The following TBCK variants were observed in gnomAD, a reference collection of about 807,000 sequenced individuals.
TBCK encodes the protein TBC domain-containing protein kinase-like protein.
A neutral mutation model predicts 113.4 loss-of-function variants in TBCK; 99 were observed. The ratio of observed to expected loss-of-function variants is 0.87; its 90% CI spans 0.74 to 1.03. TBCK has a LOEUF of 1.03. TBCK is among the 50% of genes least tolerant of loss of function. TBCK has a pLI of 0.00. For synonymous variants in TBCK, 369 were observed against 370.8 expected, an observed-to-expected ratio of 1.00 and a Z score of 0.05; for missense variants, 1,045 against 1,061.3, an observed-to-expected ratio of 0.98 and a Z score of 0.21.
At chr4:106,159,345 T>A (rs1406096000) in intron 23 of TBCK, among the ~76,000 whole-genome samples, 1 of 152,048 alleles carries the variant, frequency 6.6e-6, no homozygotes, top group Non-Finnish European at 1.5e-5. Context: ...AAGTAAATAA[T>A]CTGTTTGCAG....
At chr4:106,072,498 A>C (rs971187478) in intron 25 of TBCK, among the ~76,000 whole-genome samples, 1 of 152,150 alleles carries the variant, frequency 6.6e-6, no homozygotes, top group African/African-American at 2.4e-5. Context: ...TTTGTGGGTA[A>C]CCCAATCTTT....
At position 106,284,042 on chromosome 4, in the gene TBCK, G is replaced by C. The variant is rs777953830; in HGVS notation, c.266+11052C>G. On this transcript the variant is annotated intron_variant, in intron 3 of 25. Coordinates refer to ENST00000394708, the MANE Select transcript of TBCK (RefSeq NM_001163435.3). ...CAAGAGAGGCAGAAAGCAAAAGTTT[G>C]TTGCAAGATAACAAGTCTAAATGTA... 2.6e-5 allele frequency among the ~76,000 whole-genome samples: 4 copies of C among 152,120 alleles called. No individual in the cohort carries two copies. The East Asian group carries it at 7.7e-4, about 29-fold the overall frequency.
chr4:106,210,660 C>G (rs1403370622), intron 20 of TBCK, among the ~76,000 whole-genome samples: 8 of 152,022 alleles, frequency 5.3e-5, no homozygotes, highest in Admixed American at 5.2e-4. Context: ...TAGCCCTTCC[C>G]AAAGTGGATT....
intron 25 of TBCK, among the ~76,000 whole-genome samples, chr4:106,079,655 T>C (rs1191569915): frequency 6.6e-6 from 1 of 152,210 alleles, no homozygotes; most frequent in African/African-American, 2.4e-5. Flanking sequence ...AAAGAAATTA[T>C]AGACAATATA....
At chr4:106,222,333 C>G (rs943367473) in intron 19 of TBCK, among the ~76,000 whole-genome samples, 2 of 151,950 alleles carry the variant, frequency 1.3e-5, no homozygotes, top group African/African-American at 4.8e-5. Flanking sequence ...ATTAACATGA[C>G]AATCCCCAAT....
At chr4:106,311,716 G>A (rs1368036910) in intron 1 of TBCK, among the ~76,000 whole-genome samples, 2 of 151,978 alleles carry the variant, frequency 1.3e-5, no homozygotes, top group African/African-American at 4.8e-5. Context: ...TAATTTCCAT[G>A]CTCTGTATCT....
At chr4:106,294,536 C>T (rs953991243) in intron 3 of TBCK, among the ~76,000 whole-genome samples, 10 of 150,846 alleles carry the variant, frequency 6.6e-5, no homozygotes, top group Admixed American at 1.3e-4. Context: ...GGCAGGAGTG[C>T]GGTGGTGCAA....
chr4:106,244,644 G>C lies in TBCK; in HGVS notation c.1052C>G (p.Pro351Arg), dbSNP rs1403750182. The C allele has an allele frequency of 6.2e-7, 1 of 1,607,518 alleles. No individual in the cohort carries two copies. The highest frequency in any genetic ancestry group is 1.1e-5 in the South Asian group (1 of 89,446). ...VNKEIIRSKP[P>R]ICTLPNFLFE... ...TCCTTACTTGGGGAGTGTGCAGATA[G>C]GTGGTTTGGATCGAATGATTTCCTT... Residue 351 changes from proline to arginine, a missense_variant, in exon 11 of 26, where the codon CCT (proline) becomes CGT (arginine). Transcript: ENST00000394708.
chr4:106,116,415 T>C (rs1303757145), intron 23 of TBCK, 37 bp from the exon 24 acceptor site: 2 of 1,530,608 alleles, frequency 1.3e-6, no homozygotes, highest in East Asian at 2.4e-5. Flanking sequence ...ATATTGAGAA[T>C]ATTATAGAAA....
At chr4:106,282,961 GAGA>G (rs1046790595) in intron 3 of TBCK, among the ~76,000 whole-genome samples, 2 of 152,062 alleles carry the variant, frequency 1.3e-5, no homozygotes, top group Non-Finnish European at 2.9e-5. Context: ...TATCAGCTTA[GAGA>G]AGAATTCTTC....
intron 6 of TBCK, chr4:106,250,948 C>T (rs1761360378): frequency 6.2e-6 from 1 of 161,866 alleles, no homozygotes; most frequent in Non-Finnish European, 1.4e-5. Flanking sequence ...ACAATAACTT[C>T]AGACAGCCAT....
intron 25 of TBCK, among the ~76,000 whole-genome samples, chr4:106,068,317 C>A (rs1177797889): frequency 3.9e-5 from 6 of 151,924 alleles, no homozygotes; most frequent in African/African-American, 1.2e-4. Context: ...CCACCCCACA[C>A]CAGGCCCCAG....
chr4:106,095,690 T>G lies in TBCK; in HGVS notation c.2412-49A>C, dbSNP rs374440593. 31 of 1,556,624 alleles carry G rather than the reference T, an allele frequency of 2.0e-5. No individual in the cohort carries two copies. The African/African-American group carries it at 3.5e-4, about 18-fold the overall frequency. On this transcript the variant is annotated intron_variant, in intron 24 of 25. Coordinates refer to ENST00000394708, the MANE Select transcript of TBCK (RefSeq NM_001163435.3). ...ACATTTATTTGTGTGCAATCCTGAG[T>G]GTCTGAGGGAAACTCACAGAGCTAA...
In TBCK at chr4:106,046,563, T is replaced by C; in HGVS notation, c.*7A>G. On this transcript the variant is annotated 3_prime_UTR_variant, in exon 26 of 26. Coordinates refer to ENST00000394708, the MANE Select transcript of TBCK (RefSeq NM_001163435.3). ...CACTAAGTTTTGGCAGTCACACTCT[T>C]GGTTCTTCATATTTGAGGAGATGGG... The C allele has an allele frequency of 3.3e-6, 5 of 1,536,692 alleles. No individual in the cohort carries two copies. The highest frequency in any genetic ancestry group is 4.5e-6 in the Non-Finnish European group (5 of 1,110,368).
intron 25 of TBCK, among the ~76,000 whole-genome samples, chr4:106,092,804 G>A (rs779828381): frequency 2.2e-4 from 34 of 152,222 alleles, no homozygotes; most frequent in Non-Finnish European, 4.3e-4. Flanking sequence ...TGAGGGAGCT[G>A]GCTCCAGCCT....
chr4:106,093,023 A>T (rs886406106), intron 25 of TBCK, among the ~76,000 whole-genome samples: 2 of 152,226 alleles, frequency 1.3e-5, no homozygotes, highest in Non-Finnish European at 2.9e-5. Context: ...CAAATAGCCA[A>T]ACCATGTGTG....
intron 20 of TBCK, among the ~76,000 whole-genome samples, chr4:106,195,533 T>A (rs1754130541): frequency 6.7e-6 from 1 of 149,366 alleles, no homozygotes; most frequent in Non-Finnish European, 1.5e-5. Context: ...TGTTTCCAGA[T>A]AAGATCAGCA....
chr4:106,262,783 T>C (rs527571147), intron 3 of TBCK, among the ~76,000 whole-genome samples: 1 of 152,080 alleles, frequency 6.6e-6, no homozygotes, highest in East Asian at 1.9e-4. Flanking sequence ...AGTTTCCTTC[T>C]CCTTTTCCCT....
Position 106,042,965 on chromosome 4 carries a change from G to A in TBCK, c.*3605C>T, listed in dbSNP as rs1035611685. 6.6e-6 allele frequency: 1 copy of A among 152,134 alleles called. No homozygotes were observed. Among genetic ancestry groups the A allele is most frequent in the Non-Finnish European group, 1.5e-5 (1 of 68,028 alleles). 9.4% of individuals were successfully genotyped at this position (152,134 alleles called of 1,614,324 possible). On this transcript the variant is annotated 3_prime_UTR_variant, in exon 26 of 26. Coordinates refer to ENST00000394708, the MANE Select transcript of TBCK (RefSeq NM_001163435.3). ...CATTTCATGGAGCGGAGTTCCTTGA[G>A]ACGGTCACTTCATAAAGAGGTCTTA...
Sources: gnomAD v4.1 joint callset for allele counts (sites outside exome capture counted in the v4.1 genomes callset) on GRCh38, gnomAD v4.1.1 for gene constraint, MANE v1.5 for transcripts, NCBI Gene and HGNC (gene_info 2026-07-23, HGNC 2026-07-21) for gene names.